The following CD163L1 variants were observed in gnomAD, a reference collection of about 807,000 sequenced individuals.
The protein encoded by CD163L1 is CD163 molecule like 1.
Under a neutral mutation model 165.4 loss-of-function variants are expected in CD163L1, and 124 were observed. The ratio of observed to expected loss-of-function variants is 0.75; its 90% CI spans 0.65 to 0.87. CD163L1 has a LOEUF of 0.87. Among genes scored for constraint, CD163L1 ranks in the 40% least tolerant of loss-of-function variants. CD163L1 has a pLI of 0.00. For missense variants in CD163L1, 1,525 were observed against 1,799.9 expected, an observed-to-expected ratio of 0.85 and a Z score of 2.76; for synonymous variants, 585 against 662.2, an observed-to-expected ratio of 0.88 and a Z score of 1.79.
At chr12:7,346,301 C>T (rs1946669827), downstream of CD163L1, among the ~76,000 whole-genome samples, 2 of 151,972 alleles carry the variant, frequency 1.3e-5, no homozygotes, top group Admixed American at 6.6e-5. Flanking sequence ...TTATTTCTCC[C>T]CTTTTCTATG....
rs1010428371 is a variant in CD163L1 at position 7,347,853 on chromosome 12, C to T, written c.*25-706G>A. Among the ~76,000 whole-genome samples, 1 of 151,988 alleles carries T rather than the reference C, an allele frequency of 6.6e-6. No individual in the cohort carries two copies. The highest frequency in any genetic ancestry group is 2.4e-5 in the African/African-American group (1 of 41,402). On this transcript the variant is annotated intron_variant, in intron 4 of 4. Transcript: ENST00000539726. This position sits in a 1 kb window ranked among gnomAD's most constrained non-coding sequence, Gnocchi z 4.2. ...ACCAGAAACTTCTCAATTGCCATTC[C>T]CTTGATAAAATAATAACAAATATAA...
At position 7,411,240 on chromosome 12, in the gene CD163L1, T is replaced by C. The variant is rs185194165; in HGVS notation, c.767-4388A>G. ...TTCCTTTTTAAAGAATAAATAATTA[T>C]GAAAAATTTGAACATAGATTTTCTT... On this transcript the variant is annotated intron_variant, in intron 4 of 19. Transcript: ENST00000313599. Among the ~76,000 whole-genome samples, 5 of 152,324 alleles carry C rather than the reference T, an allele frequency of 3.3e-5. No homozygotes were observed. The East Asian group carries it at 5.8e-4, about 18-fold the overall frequency.
At chr12:7,388,649 T>A (rs1310214480) in intron 8 of CD163L1, among the ~76,000 whole-genome samples, 23 of 145,454 alleles carry the variant, frequency 1.6e-4, no homozygotes, top group African/African-American at 5.9e-4. Flanking sequence ...GGGACTGAGG[T>A]GGGAGGATTG....
chr12:7,428,884 G>T (rs1352449240), intron 4 of CD163L1, among the ~76,000 whole-genome samples: 1 of 152,030 alleles, frequency 6.6e-6, no homozygotes, highest in East Asian at 1.9e-4. Context: ...AATTATGTTT[G>T]CAGATTTAAG....
At chr12:7,362,341 A>C (rs1292216948) in intron 18 of CD163L1, among the ~76,000 whole-genome samples, 1 of 138,190 alleles carries the variant, frequency 7.2e-6, no homozygotes, top group Non-Finnish European at 1.5e-5. Flanking sequence ...AAAATATGAA[A>C]TATATTATAA....
rs1325104310 is a variant in CD163L1 at position 7,368,044 on chromosome 12, G to T, written c.4183+43C>A. 2 of 1,112,706 alleles carry T rather than the reference G, an allele frequency of 1.8e-6. No individual in the cohort carries two copies. Among genetic ancestry groups the T allele is most frequent in the Admixed American group, 1.7e-5 (1 of 57,484 alleles). The allele number at this position is 1,112,706 out of a possible 1,614,324, so 68.9% of individuals were successfully genotyped here. On this transcript the variant is annotated intron_variant, in intron 17 of 19. Coordinates refer to ENST00000313599, the MANE Select transcript of CD163L1 (RefSeq NM_174941.6). This position sits in a 1 kb window ranked among gnomAD's most constrained non-coding sequence, Gnocchi z 4.3. ...ATCCCCCATCCTGTGTGCCCTTGGT[G>T]GCAGGTAACTCACATTTTATACAAT...
At chr12:7,326,571 G>T in the CD163L1 span, among the ~76,000 whole-genome samples, 1 of 152,080 alleles carries the variant, frequency 6.6e-6, no homozygotes, top group African/African-American at 2.4e-5. Flanking sequence ...CCTCCAAACT[G>T]CTTTGAAACC....
chr12:7,389,960 T>TATATATA (rs1555197839), intron 8 of CD163L1, among the ~76,000 whole-genome samples: 16 of 135,940 alleles, frequency 1.2e-4, no homozygotes, highest in Middle Eastern at 3.8e-3. Context: ...ATATATATAT[T>TATATATA]TATATATATA....
At chr12:7,424,384 T>C (rs893353905) in intron 4 of CD163L1, among the ~76,000 whole-genome samples, 37 of 152,004 alleles carry the variant, frequency 2.4e-4, no homozygotes, top group Admixed American at 2.2e-3. Context: ...AATATCATAC[T>C]GAATGGGCAA....
chr12:7,378,920 T>G, intron 9 of CD163L1, 58 bp downstream of exon 9: 1 of 1,501,818 alleles, frequency 6.7e-7, no homozygotes, highest in Non-Finnish European at 9.0e-7. Flanking sequence ...AAACACGTAT[T>G]AAATAAGTGC....
At chr12:7,388,970 T>C (rs1947584308) in intron 8 of CD163L1, among the ~76,000 whole-genome samples, 1 of 152,230 alleles carries the variant, frequency 6.6e-6, no homozygotes, top group Non-Finnish European at 1.5e-5. Flanking sequence ...TACTCCTTTG[T>C]GTATATGTAC....
chr12:7,326,558 G>T, the CD163L1 span, among the ~76,000 whole-genome samples: 1 of 152,202 alleles, frequency 6.6e-6, no homozygotes, highest in African/African-American at 2.4e-5. Context: ...CCTCCGTTGA[G>T]ACCCTCCAAA....
At chr12:7,409,167 G>GT (rs961947465) in intron 4 of CD163L1, among the ~76,000 whole-genome samples, 21 of 152,050 alleles carry the variant, frequency 1.4e-4, no homozygotes, top group Non-Finnish European at 2.9e-4. Flanking sequence ...TTCAAAATGT[G>GT]TTTTTTTAAG....
the CD163L1 span, among the ~76,000 whole-genome samples, chr12:7,334,985 TA>T: frequency 3.9e-5 from 6 of 152,008 alleles, no homozygotes; most frequent in Non-Finnish European, 7.4e-5. Flanking sequence ...CTCAATGAAA[TA>T]AAAGAGGATA....
rs201411908 is a variant in CD163L1, at chr12:7,357,372, C to T, written c.*24+8G>A. On this transcript the variant is annotated splice_region_variant and intron_variant, in intron 19 of 19. Coordinates refer to ENST00000313599, the MANE Select transcript of CD163L1 (RefSeq NM_174941.6). The stretch of plus-strand genomic sequence containing the variant: ...TAGTTTTAGTAGGAACAATACTTCT[C>T]AACTTACCTGGTGAGCCCTGGAAGT... 90 of 1,585,920 alleles carry T rather than the reference C, an allele frequency of 5.7e-5. No individual in the cohort carries two copies. The Admixed American group carries it at 6.9e-4, about 12-fold the overall frequency.
chr12:7,325,250 T>TA, the CD163L1 span, among the ~76,000 whole-genome samples: 1 of 152,212 alleles, frequency 6.6e-6, no homozygotes, highest in Non-Finnish European at 1.5e-5. Flanking sequence ...AATTAGTTAC[T>TA]AAAAAGGAGG....
rs144058051 is a variant in CD163L1 at position 7,373,168 on chromosome 12, T to A, written c.3730+152A>T. On this transcript the variant is annotated intron_variant, in intron 14 of 19. Coordinates refer to ENST00000313599, the MANE Select transcript of CD163L1 (RefSeq NM_174941.6). ...AAATACTAAACCAAAATAATAAAAT[T>A]TCAATATAGAACAGATGCGATAAAT... is the stretch of plus-strand genomic sequence containing the variant. 14 of 564,460 alleles carry A rather than the reference T, an allele frequency of 2.5e-5. No homozygotes were observed. The East Asian group carries it at 4.1e-4, about 16-fold the overall frequency. The allele number at this position is 564,460 out of a possible 1,614,324, so 35.0% of individuals were successfully genotyped here.
intron 4 of CD163L1, among the ~76,000 whole-genome samples, chr12:7,421,034 TACG>T (rs1948346201): frequency 9.0e-6 from 1 of 110,872 alleles, no homozygotes; most frequent in African/African-American, 4.9e-5. Flanking sequence ...CATATATATA[TACG>T]TGTATATATA....
In CD163L1 at chr12:7,375,839, G is replaced by A. The variant is rs1221337655; in HGVS notation, c.2547C>T (p.His849=). ...AAGTTAGACCATTCCCTTTTCCAAA[G>A]TGATCTCCCACAGAAAGAGATATGG... ...GDAISLSVGD[H]FGKGNGLTWA... Residue 849 remains histidine (H), a synonymous_variant, in exon 10 of 20, where the codon CAC becomes CAT. Transcript: ENST00000313599. 2 of 1,614,196 alleles carry A rather than the reference G, an allele frequency of 1.2e-6. No individual in the cohort carries two copies. Among genetic ancestry groups the A allele is most frequent in the East Asian group, 2.2e-5 (1 of 44,878 alleles).
Sources: allele counts gnomAD v4.1 joint callset (sites outside exome capture counted in the v4.1 genomes callset), GRCh38; gene constraint gnomAD v4.1.1; non-coding constraint Gnocchi (gnomAD v3.1); transcripts MANE v1.5; gene names NCBI Gene and HGNC (gene_info 2026-07-23, HGNC 2026-07-21).